The following FNDC3B variants were observed in gnomAD, a reference collection of about 807,000 sequenced individuals.
The protein encoded by FNDC3B is fibronectin type III domain containing 3B.
Under a neutral mutation model 151.5 loss-of-function variants are expected in FNDC3B, and 12 were observed. The observed-to-expected ratio is 0.08, with a 90% confidence interval of 0.05 to 0.13. The LOEUF is 0.13. Among genes scored for constraint, FNDC3B ranks in the 10% least tolerant of loss-of-function variants. FNDC3B has a pLI of 1.00. For missense variants in FNDC3B, 1,214 were observed against 1,505.3 expected, an observed-to-expected ratio of 0.81 and a Z score of 3.20; for synonymous variants, 528 against 549.0, an observed-to-expected ratio of 0.96 and a Z score of 0.54.
intron 1 of FNDC3B, among the ~76,000 whole-genome samples, 174 bp downstream of exon 1, chr3:172,039,945 C>T (rs1191964544): frequency 6.6e-6 from 1 of 152,132 alleles, no homozygotes; most frequent in African/African-American, 2.4e-5. Context: ...TGGGGCGCCC[C>T]GTGCTCGCCT....
chr3:172,372,054 C>T (rs1405955882), intron 23 of FNDC3B, among the ~76,000 whole-genome samples: 8 of 152,210 alleles, frequency 5.3e-5, no homozygotes, highest in Admixed American at 4.6e-4. Flanking sequence ...TTACTCTTAT[C>T]GTACCCACTT....
chr3:172,200,299 C>T (rs910881489), intron 3 of FNDC3B, among the ~76,000 whole-genome samples: 2 of 152,212 alleles, frequency 1.3e-5, no homozygotes, highest in Admixed American at 6.5e-5. Context: ...ACACAGAGGC[C>T]TTGGCCAGGA....
At chr3:172,275,026 T>C (rs1729366804) in intron 6 of FNDC3B, among the ~76,000 whole-genome samples, 1 of 152,220 alleles carries the variant, frequency 6.6e-6, no homozygotes, top group Non-Finnish European at 1.5e-5. Flanking sequence ...ATTTTCCTCT[T>C]GTGTGTTTTT....
At chr3:172,135,619 C>T (rs1178746301) in intron 3 of FNDC3B, among the ~76,000 whole-genome samples, 1 of 152,104 alleles carries the variant, frequency 6.6e-6, no homozygotes, top group Non-Finnish European at 1.5e-5. Context: ...GCCCAATTAA[C>T]TGAAATGACA....
intron 11 of FNDC3B, among the ~76,000 whole-genome samples, chr3:172,312,643 C>T (rs1253525973): frequency 4.0e-5 from 6 of 151,720 alleles, no homozygotes; most frequent in Admixed American, 1.3e-4. Flanking sequence ...TGTGTATGTG[C>T]GTGCGTGCAT....
intron 3 of FNDC3B, among the ~76,000 whole-genome samples, chr3:172,175,897 TACCTGTAACAA>T (rs1723569750): frequency 6.6e-6 from 1 of 152,236 alleles, no homozygotes; most frequent in Non-Finnish European, 1.5e-5. Flanking sequence ...AATGAAAACT[TACCTGTAACAA>T]ACAGTTTTAT....
rs148560265 is a variant in FNDC3B, at chr3:172,260,490, A to G, written c.790+8949A>G. ...TTTCAGAGGACTATCATCAGCTCTT[A>G]GTACAATTTCAGACACTAAGTGCTT... On this transcript the variant is annotated intron_variant, in intron 6 of 25. Transcript: ENST00000415807. Among the ~76,000 whole-genome samples, 341 of 152,356 alleles carry G rather than the reference A, an allele frequency of 2.2e-3. 2 individuals are homozygous for G. The highest frequency in any genetic ancestry group is 4.2e-3 in the Non-Finnish European group (286 of 68,030).
chr3:172,189,319 G>A (rs747556125), intron 3 of FNDC3B, among the ~76,000 whole-genome samples: 2 of 152,088 alleles, frequency 1.3e-5, no homozygotes, highest in African/African-American at 2.4e-5. Context: ...TTAGCTGGAG[G>A]CCACCTTATC....
chr3:172,288,012 C>T (rs559554075), intron 7 of FNDC3B, among the ~76,000 whole-genome samples: 18 of 152,342 alleles, frequency 1.2e-4, no homozygotes, highest in South Asian at 2.1e-4. Context: ...CTGTACCCAT[C>T]GCAGAGAATT....
intron 1 of FNDC3B, among the ~76,000 whole-genome samples, chr3:172,107,232 GGTT>G (rs771991562): frequency 1.2e-4 from 19 of 152,130 alleles, no homozygotes; most frequent in African/African-American, 1.4e-4. Context: ...GAGGGCCTGT[GGTT>G]GTTACCAAAT....
In FNDC3B at chr3:172,223,937, G is replaced by A. The variant is rs556549345; in HGVS notation, c.188-2934G>A. The stretch of plus-strand genomic sequence containing the variant: ...TGTAATGAATTTCATCTTTAAACCT[G>A]ACCATATGAAGTAAGAATTGTTATT... On this transcript the variant is annotated intron_variant, in intron 3 of 25. Coordinates refer to ENST00000415807, the MANE Select transcript of FNDC3B (RefSeq NM_022763.4). Among the ~76,000 whole-genome samples, 10 of 152,328 alleles carry A rather than the reference G, an allele frequency of 6.6e-5. No individual in the cohort carries two copies. In the South Asian group the frequency reaches 1.4e-3, roughly 22 times the overall value.
chr3:172,187,701 C>T (rs1227767205), intron 3 of FNDC3B, among the ~76,000 whole-genome samples: 2 of 152,144 alleles, frequency 1.3e-5, no homozygotes, highest in South Asian at 2.1e-4. Context: ...GTTGCGCAGG[C>T]TAGAGTGTGG....
Position 172,251,560 on chromosome 3 carries a change from G to A in FNDC3B, c.790+19G>A. ...TTGCAAGGTAATACTCAAGATGTTT[G>A]CCATAGAGTGAATTATCAAGACAGA... On this transcript the variant is annotated intron_variant, in intron 6 of 25. Coordinates refer to ENST00000415807, the MANE Select transcript of FNDC3B (RefSeq NM_022763.4). The A allele has an allele frequency of 6.3e-7, 1 of 1,583,628 alleles. No homozygotes were observed. The highest frequency in any genetic ancestry group is 8.6e-7 in the Non-Finnish European group (1 of 1,163,064).
At chr3:172,317,463 C>T (rs1204400910) in intron 11 of FNDC3B, among the ~76,000 whole-genome samples, 2 of 152,080 alleles carry the variant, frequency 1.3e-5, no homozygotes, top group Non-Finnish European at 2.9e-5. Context: ...GGATTACAGG[C>T]GTGAGCCACC....
intron 6 of FNDC3B, among the ~76,000 whole-genome samples, chr3:172,279,794 G>T (rs1729610608): frequency 6.6e-6 from 1 of 152,110 alleles, no homozygotes; most frequent in South Asian, 2.1e-4. Flanking sequence ...TTCTTCTTTT[G>T]TATGCGCTTA....
At chr3:172,284,509 A>G (rs900952989) in intron 6 of FNDC3B, among the ~76,000 whole-genome samples, 1 of 152,060 alleles carries the variant, frequency 6.6e-6, no homozygotes, top group African/African-American at 2.4e-5. Context: ...TGTAAGAGTG[A>G]CAGAAATGAG....
intron 2 of FNDC3B, among the ~76,000 whole-genome samples, chr3:172,130,691 C>T (rs997040854): frequency 5.3e-5 from 8 of 152,152 alleles, no homozygotes; most frequent in Admixed American, 2.6e-4. Flanking sequence ...TTCAGAAATC[C>T]GTTTTCTTGC....
intron 6 of FNDC3B, among the ~76,000 whole-genome samples, chr3:172,272,491 G>A (rs1006270801): frequency 2.0e-5 from 3 of 152,112 alleles, no homozygotes; most frequent in Non-Finnish European, 1.5e-5. Context: ...GCTGTAGTGG[G>A]GAGAAGGACT....
At chr3:172,391,984 GAA>G (rs3215322) in intron 25 of FNDC3B, among the ~76,000 whole-genome samples, 1 of 150,252 alleles carries the variant, frequency 6.7e-6, no homozygotes, top group African/African-American at 2.4e-5. Flanking sequence ...TATCTTTAAA[GAA>G]AAAAAAAATG....
Sources: allele counts gnomAD v4.1 joint callset (sites outside exome capture counted in the v4.1 genomes callset), GRCh38; gene constraint gnomAD v4.1.1; transcripts MANE v1.5; gene names NCBI Gene and HGNC (gene_info 2026-07-23, HGNC 2026-07-21).